Variants in WDPCP observed in about 807,000 individuals in gnomAD.
WDPCP encodes WD repeat containing planar cell polarity effector, also known as WD repeat-containing and planar cell polarity effector protein fritz homolog.
A neutral mutation model predicts 93.1 loss-of-function variants in WDPCP; 71 were observed. That is an observed-to-expected ratio of 0.76 (90% CI 0.63 to 0.93). The LOEUF is 0.93. WDPCP is among the 40% of genes least tolerant of loss of function. The pLI is 0.00. For missense variants in WDPCP, 844 were observed against 887.4 expected, an observed-to-expected ratio of 0.95 and a Z score of 0.62; for synonymous variants, 315 against 315.0, an observed-to-expected ratio of 1.00 and a Z score of 0.00.
At chr2:63,615,821 G>A (rs912603673) in intron 3 of WDPCP, among the ~76,000 whole-genome samples, 2 of 152,164 alleles carry the variant, frequency 1.3e-5, no homozygotes, top group Non-Finnish European at 2.9e-5. Flanking sequence ...ATTTATGTGT[G>A]CATGATTTTC....
chr2:63,555,243 G>A (rs567982823), intron 1 of WDPCP, among the ~76,000 whole-genome samples: 1 of 152,240 alleles, frequency 6.6e-6, no homozygotes, highest in Non-Finnish European at 1.5e-5. Context: ...ACTGCCTCTT[G>A]AGGCCGGACC....
chr2:63,198,286 A>T (rs565835600), intron 14 of WDPCP, among the ~76,000 whole-genome samples: 2 of 152,340 alleles, frequency 1.3e-5, no homozygotes, highest in East Asian at 3.9e-4. Flanking sequence ...TGGGATACCA[A>T]TATACTCTGG....
chr2:63,367,595 A>G (rs1201360319), intron 12 of WDPCP, among the ~76,000 whole-genome samples: 1 of 152,196 alleles, frequency 6.6e-6, no homozygotes, highest in East Asian at 1.9e-4. Flanking sequence ...TGAATAAATT[A>G]TGGTAGTCTA....
chr2:63,773,634 C>T (rs1423027208), intron 2 of WDPCP, among the ~76,000 whole-genome samples: 1 of 151,994 alleles, frequency 6.6e-6, no homozygotes, highest in Admixed American at 6.6e-5. Flanking sequence ...GTACAAGATA[C>T]TAAAGAAGAA....
At chr2:63,592,409 C>T (rs1462217358), upstream of WDPCP, among the ~76,000 whole-genome samples, 1 of 152,216 alleles carries the variant, frequency 6.6e-6, no homozygotes, top group Admixed American at 6.5e-5. Flanking sequence ...GAAGTGCACT[C>T]ACACAGTAAT....
chr2:63,292,594 C>T (rs552319373), intron 13 of WDPCP, among the ~76,000 whole-genome samples: 6 of 152,288 alleles, frequency 3.9e-5, no homozygotes, highest in East Asian at 1.9e-4. Flanking sequence ...TACCTATAGT[C>T]TAGCTCTCCA....
intron 2 of WDPCP, among the ~76,000 whole-genome samples, chr2:63,781,114 T>TC (rs1670386033): frequency 6.6e-6 from 1 of 152,130 alleles, no homozygotes; most frequent in Non-Finnish European, 1.5e-5. Flanking sequence ...TAGTGCTATT[T>TC]CCCCCCACTC....
At chr2:63,223,907 T>A (rs1037267813) in intron 14 of WDPCP, among the ~76,000 whole-genome samples, 1 of 152,082 alleles carries the variant, frequency 6.6e-6, no homozygotes, top group Admixed American at 6.6e-5. Flanking sequence ...TGTCTATTCT[T>A]GCATCAATAT....
the WDPCP span, among the ~76,000 whole-genome samples, chr2:63,833,575 C>T: frequency 2.0e-5 from 3 of 152,248 alleles, no homozygotes; most frequent in East Asian, 5.8e-4. Context: ...GAAGAGACTT[C>T]AGTGTTTACA....
rs556931687 is a variant in WDPCP, at chr2:63,684,478, CAAG to C, written n.309-33643_309-33641del. On this transcript the variant is annotated intron_variant and non_coding_transcript_variant, in intron 2 of 4. Transcript: ENST00000467687. ...CCCGCAAAGTGATAGCTGTCATGGG[CAAG>C]AAGAAGATCGCCAAGAGGTCAAAGA... 4.9e-5 allele frequency: 38 copies of C among 771,888 alleles called. No individual in the cohort carries two copies. In the African/African-American group the frequency reaches 5.6e-4, roughly 11 times the overall value. 47.8% of individuals were successfully genotyped at this position (771,888 alleles called of 1,614,324 possible). A position where few individuals can be genotyped will look rare whatever the true frequency, so the allele number is the denominator to read the frequency against.
chr2:63,763,424 C>A (rs1296293827), intron 2 of WDPCP, among the ~76,000 whole-genome samples: 1 of 151,496 alleles, frequency 6.6e-6, no homozygotes, highest in South Asian at 2.1e-4. Context: ...ATCACCTGAA[C>A]CTGAAAGGCA....
chr2:63,231,311 T>A (rs1024687417), intron 14 of WDPCP, among the ~76,000 whole-genome samples: 3 of 152,098 alleles, frequency 2.0e-5, no homozygotes, highest in Non-Finnish European at 4.4e-5. Context: ...TTCAACATAG[T>A]TTTGGAAGTT....
chr2:63,250,411 T>A (rs1407108196), intron 14 of WDPCP, among the ~76,000 whole-genome samples: 1 of 152,172 alleles, frequency 6.6e-6, no homozygotes, highest in East Asian at 1.9e-4. Context: ...TGTGGTTGAC[T>A]GCAGGTAATT....
intron 14 of WDPCP, among the ~76,000 whole-genome samples, chr2:63,219,059 A>G (rs1677593953): frequency 6.6e-6 from 1 of 152,180 alleles, no homozygotes; most frequent in African/African-American, 2.4e-5. Context: ...TAAATATACA[A>G]TTTACATGTA....
intron 15 of WDPCP, among the ~76,000 whole-genome samples, chr2:63,172,966 A>T (rs1673510313): frequency 6.6e-6 from 1 of 152,140 alleles, no homozygotes; most frequent in Admixed American, 6.5e-5. Context: ...ATACAATCCC[A>T]TCAAGAATTT....
chr2:63,552,456 G>T (rs558228813), intron 1 of WDPCP, among the ~76,000 whole-genome samples: 6 of 152,108 alleles, frequency 3.9e-5, no homozygotes, highest in Non-Finnish European at 8.8e-5. Flanking sequence ...TAATAAAGAA[G>T]TAATTCAACT....
chr2:63,633,346 G>C (rs1354113644), intron 3 of WDPCP, among the ~76,000 whole-genome samples: 1 of 152,074 alleles, frequency 6.6e-6, no homozygotes, highest in African/African-American at 2.4e-5. Context: ...TATTGTAATA[G>C]TATAAAGGTT....
chr2:63,574,079 C>T (rs1301765389), intron 1 of WDPCP, among the ~76,000 whole-genome samples: 2 of 152,166 alleles, frequency 1.3e-5, no homozygotes, highest in Non-Finnish European at 2.9e-5. Context: ...ATTTTAATTT[C>T]ACCCTGGTCC....
chr2:63,641,753 C>T (rs925397906), intron 3 of WDPCP, among the ~76,000 whole-genome samples: 2 of 152,136 alleles, frequency 1.3e-5, no homozygotes, highest in African/African-American at 4.8e-5. Context: ...TGTCTCTTCA[C>T]TTTATTGATT....
Sources: gnomAD v4.1 joint callset for allele counts (sites outside exome capture counted in the v4.1 genomes callset) on GRCh38, gnomAD v4.1.1 for gene constraint, MANE v1.5 for transcripts, NCBI Gene and HGNC (gene_info 2026-07-23, HGNC 2026-07-21) for gene names.